Variants in CDH18 observed in about 807,000 individuals in gnomAD.
The protein encoded by CDH18 is cadherin 18.
In CDH18, 31 loss-of-function variants were observed where a neutral mutation model predicts 67.9. The observed-to-expected ratio is 0.46, with a 90% CI of 0.34 to 0.62. CDH18 has a LOEUF of 0.62. Ranked by LOEUF, CDH18 falls within the 20% of genes least tolerant of loss-of-function variation. CDH18 has a pLI of 0.01. For synonymous variants in CDH18, 362 were observed against 347.2 expected, an observed-to-expected ratio of 1.04 and a Z score of -0.48; for missense variants, 890 against 975.5, an observed-to-expected ratio of 0.91 and a Z score of 1.17.
At chr5:19,688,780 T>C (rs1335750710) in intron 5 of CDH18, among the ~76,000 whole-genome samples, 1 of 151,890 alleles carries the variant, frequency 6.6e-6, no homozygotes. Context: ...GACAAAATAA[T>C]ACAAATAAAT....
Position 20,073,603 on chromosome 5 carries a change from A to G in CDH18, c.-517-81589T>C, listed in dbSNP as rs891881226. Among the ~76,000 whole-genome samples the G allele has an allele frequency of 2.6e-5, 4 of 152,038 alleles. No homozygotes were observed. In the East Asian group the frequency reaches 7.7e-4, roughly 29 times the overall value. Reference sequence around the variant, plus strand: ...TTATATTCTGCAGAGGTATATCCAGAATAGAGAGAGGCCGGTACATCAAAG... The same window carrying G: ...TTATATTCTGCAGAGGTATATCCAGGATAGAGAGAGGCCGGTACATCAAAG... On this transcript the variant is annotated intron_variant, in intron 2 of 14. Transcript: ENST00000507958.
At chr5:20,204,082 C>T (rs1605665) in intron 2 of CDH18, among the ~76,000 whole-genome samples, 105,753 of 151,916 alleles carry the variant, frequency 0.7, 37,441 homozygotes, top group African/African-American at 0.84. Context: ...AAGAAAGAAA[C>T]AAATAATCAT....
At chr5:20,015,206 G>A (rs1308759418) in intron 2 of CDH18, among the ~76,000 whole-genome samples, 1 of 152,058 alleles carries the variant, frequency 6.6e-6, no homozygotes, top group Non-Finnish European at 1.5e-5. Context: ...AGAGAGAATG[G>A]GCTAGATACT....
At chr5:19,748,134 G>A (rs73055697) in intron 3 of CDH18, among the ~76,000 whole-genome samples, 45,126 of 64,584 alleles carry the variant, frequency 0.7, 17,692 homozygotes, top group Non-Finnish European at 0.83. Context: ...AAAAAAAAAA[G>A]AGTACTTTTT....
intron 1 of CDH18, among the ~76,000 whole-genome samples, chr5:20,552,209 G>T (rs1024282783): frequency 7.3e-5 from 11 of 151,568 alleles, no homozygotes; most frequent in African/African-American, 2.7e-4. Flanking sequence ...GGGCGCATTG[G>T]CTCATGCCTA....
At chr5:19,919,599 T>C (rs545820390) in intron 2 of CDH18, among the ~76,000 whole-genome samples, 10 of 152,300 alleles carry the variant, frequency 6.6e-5, no homozygotes, top group East Asian at 5.8e-4. Context: ...ATATCAGAAA[T>C]ATTGTAACTT....
intron 2 of CDH18, among the ~76,000 whole-genome samples, chr5:20,098,101 G>A (rs1746146288): frequency 6.6e-6 from 1 of 151,446 alleles, no homozygotes; most frequent in African/African-American, 2.4e-5. Flanking sequence ...ATTTTTGTTA[G>A]AGACAAAAAT....
chr5:20,424,439 T>A (rs1465452572), intron 1 of CDH18, among the ~76,000 whole-genome samples: 1 of 150,498 alleles, frequency 6.6e-6, no homozygotes, highest in East Asian at 1.9e-4. Context: ...AACAATATTA[T>A]AAATTCTGTT....
chr5:20,419,138 T>G (rs1380473695), intron 1 of CDH18, among the ~76,000 whole-genome samples: 1 of 152,126 alleles, frequency 6.6e-6, no homozygotes, highest in Non-Finnish European at 1.5e-5. Context: ...TTAGTAAGTC[T>G]CACGAGATCT....
At chr5:19,555,519 G>T (rs1029802038) in intron 8 of CDH18, among the ~76,000 whole-genome samples, 29 of 152,126 alleles carry the variant, frequency 1.9e-4, no homozygotes, top group African/African-American at 7.0e-4. Flanking sequence ...CCACTTCCCT[G>T]GTGAGCTATG....
chr5:20,468,735 C>A (rs1398448880), intron 1 of CDH18, among the ~76,000 whole-genome samples: 4 of 152,112 alleles, frequency 2.6e-5, no homozygotes, highest in Non-Finnish European at 4.4e-5. Context: ...TTAGATGAGT[C>A]ATATAATTCA....
rs1256589351 is a variant in CDH18 at position 19,747,045 on chromosome 5, C to T, written c.420G>A (p.Glu140=). ...AIDRRTNKPL[E]PESEFIIKVQ... The stretch of plus-strand genomic sequence containing the variant: ...CTTTGATGATGAACTCGGATTCAGG[C>T]TCAAGAGGTTTGTTTGTACGTCTAT... The change falls in exon 4 of 13, where the codon GAG becomes GAA. Residue 140 remains glutamate, a synonymous_variant. Coordinates refer to ENST00000382275, the MANE Select transcript of CDH18 (RefSeq NM_004934.5). 1.2e-6 allele frequency: 2 copies of T among 1,613,978 alleles called. No homozygotes were observed. Among genetic ancestry groups the T allele is most frequent in the East Asian group, 4.5e-5 (2 of 44,878 alleles).
Position 20,431,504 on chromosome 5 carries a change from A to G in CDH18, c.-580+143958T>C, listed in dbSNP as rs78099285. ...GTGAAACTCAAAAAAAAAAAAAAAAAAAGAAGAAGAAAAGAAGAATAGAAA... is the reference window on the plus strand; with the variant it reads ...GTGAAACTCAAAAAAAAAAAAAAAAGAAGAAGAAGAAAAGAAGAATAGAAA... On this transcript the variant is annotated intron_variant, in intron 1 of 14. Coordinates refer to the CDH18 transcript ENST00000507958. Among the ~76,000 whole-genome samples the G allele has an allele frequency of 3.1e-3, 428 of 138,788 alleles. 4 individuals are homozygous for G. The highest frequency in any genetic ancestry group is 0.011 in the Middle Eastern group (3 of 262). The allele number at this position is 138,788 out of a possible 152,430, so 91.1% of individuals were successfully genotyped here. A position where few individuals can be genotyped will look rare whatever the true frequency, so the allele number is the denominator to read the frequency against.
intron 7 of CDH18, among the ~76,000 whole-genome samples, chr5:19,576,133 G>C (rs1442856998): frequency 2.0e-5 from 3 of 151,962 alleles, no homozygotes; most frequent in Non-Finnish European, 4.4e-5. Context: ...GACCTAAAAC[G>C]ATAAATCTAC....
intron 2 of CDH18, among the ~76,000 whole-genome samples, chr5:19,944,772 A>C (rs1795137629): frequency 6.6e-6 from 1 of 152,094 alleles, no homozygotes; most frequent in African/African-American, 2.4e-5. Context: ...CTCTAACTTT[A>C]ACTACTCAAG....
chr5:19,987,020 C>T (rs1799628318), intron 1 of CDH18, among the ~76,000 whole-genome samples: 1 of 152,068 alleles, frequency 6.6e-6, no homozygotes, highest in South Asian at 2.1e-4. Flanking sequence ...CGGCTCAAAG[C>T]AGTGATGCCA....
chr5:20,176,742 C>T (rs1320285415), intron 2 of CDH18, among the ~76,000 whole-genome samples: 1 of 152,088 alleles, frequency 6.6e-6, no homozygotes, highest in Non-Finnish European at 1.5e-5. Flanking sequence ...AAATTGTCTT[C>T]TTGCTCCATG....
intron 2 of CDH18, among the ~76,000 whole-genome samples, chr5:20,155,491 T>C (rs1035573208): frequency 2.0e-5 from 3 of 152,024 alleles, no homozygotes; most frequent in African/African-American, 7.2e-5. Flanking sequence ...TTGTTGGATG[T>C]ATTTGCAAAT....
At position 19,681,061 on chromosome 5, in the gene CDH18, G is replaced by A. The variant is rs141700666; in HGVS notation, c.643+40286C>T. ...AAAAAAGAAAATATGGTACATATAC[G>A]CCATGGAACACTATGCCACCTTAAA... On this transcript the variant is annotated intron_variant, in intron 5 of 12. Transcript: ENST00000382275. Among the ~76,000 whole-genome samples, 464 of 151,944 alleles carry A rather than the reference G, an allele frequency of 3.1e-3. 1 individual carries two copies. The highest frequency in any genetic ancestry group is 0.017 in the Middle Eastern group (5 of 294).
Sources: gnomAD v4.1 joint callset for allele counts (sites outside exome capture counted in the v4.1 genomes callset) on GRCh38, gnomAD v4.1.1 for gene constraint, MANE v1.5 for transcripts, NCBI Gene and HGNC (gene_info 2026-07-23, HGNC 2026-07-21) for gene names.